The following HMCN1 variants were observed in gnomAD, a reference collection of about 807,000 sequenced individuals.
The protein encoded by HMCN1 is hemicentin-1.
Under a neutral mutation model 625.9 loss-of-function variants are expected in HMCN1, and 321 were observed. The observed-to-expected ratio is 0.51, with a 90% CI of 0.47 to 0.56. The LOEUF (loss-of-function observed/expected upper bound fraction) is 0.56. HMCN1 is among the 20% of genes least tolerant of loss of function. The pLI is 0.00. For missense variants in HMCN1, 6,588 were observed against 6,887.3 expected (o/e 0.96, Z 1.54); for synonymous variants, 2,425 against 2,417.6 (o/e 1.00, Z -0.09).
chr1:186,096,633 G>T (rs921752514), intron 68 of HMCN1, among the ~76,000 whole-genome samples: 1 of 152,064 alleles, frequency 6.6e-6, no homozygotes, highest in African/African-American at 2.4e-5. Context: ...CAACATAGTT[G>T]CAAAAATGCT....
At chr1:186,180,187 A>G (rs1652851641) in intron 104 of HMCN1, among the ~76,000 whole-genome samples, 1 of 152,158 alleles carries the variant, frequency 6.6e-6, no homozygotes, top group Admixed American at 6.6e-5. Context: ...ATCTGCTACA[A>G]ACTGTTCTGA....
intron 15 of HMCN1, among the ~76,000 whole-genome samples, chr1:185,973,432 T>C (rs1650969640): frequency 6.6e-6 from 1 of 152,076 alleles, no homozygotes; most frequent in African/African-American, 2.4e-5. Context: ...CTAAGCTTAG[T>C]AGTGCATAAA....
intron 101 of HMCN1, 127 bp from the exon 102 acceptor site, chr1:186,171,879 C>T (rs1300385125): frequency 1.1e-5 from 9 of 788,668 alleles, no homozygotes; most frequent in Admixed American, 2.5e-5. Context: ...AGCACTTTAA[C>T]CTTACACAAT....
In HMCN1 at chr1:186,001,398, C is replaced by A. The variant is rs1463662043; in HGVS notation, c.4170C>A (p.Pro1390=). The change falls in exon 27 of 107, where the codon CCC becomes CCA. Residue 1390 remains proline, a synonymous_variant. Coordinates refer to ENST00000271588, the MANE Select transcript of HMCN1 (RefSeq NM_031935.3). ...LFCEVEGTPS[P]IIMWYKDNVQ... Reference sequence around the variant, plus strand: ...GTGAAGTGGAAGGCACTCCATCTCCCATCATTATGTGGTATAAAGATAATG... The same window carrying A: ...GTGAAGTGGAAGGCACTCCATCTCCAATCATTATGTGGTATAAAGATAATG... 6.2e-7 allele frequency: 1 copy of A among 1,612,202 alleles called. No homozygotes were observed. Among genetic ancestry groups the A allele is most frequent in the Admixed American group, 1.7e-5 (1 of 59,936 alleles).
chr1:186,143,045 CTTTCCTCTGAGG>C (rs1370800204), intron 89 of HMCN1, among the ~76,000 whole-genome samples: 1 of 152,188 alleles, frequency 6.6e-6, no homozygotes, highest in Non-Finnish European at 1.5e-5. Flanking sequence ...AGCCTTTCTT[CTTTCCTCTGAGG>C]TTTAGCCAAA....
intron 1 of HMCN1, among the ~76,000 whole-genome samples, chr1:185,754,027 T>C (rs1264225542): frequency 6.6e-6 from 1 of 152,178 alleles, no homozygotes; most frequent in Non-Finnish European, 1.5e-5. Context: ...TCTGCATCCA[T>C]GGATGGATGA....
intron 36 of HMCN1, among the ~76,000 whole-genome samples, chr1:186,033,064 G>GCGCA (rs1027390136): frequency 1.7e-3 from 238 of 140,398 alleles, no homozygotes; most frequent in African/African-American, 5.4e-3. Context: ...ATACACACAC[G>GCGCA]CACACACACA....
At chr1:185,809,817 T>C (rs1659401079) in intron 1 of HMCN1, among the ~76,000 whole-genome samples, 1 of 152,134 alleles carries the variant, frequency 6.6e-6, no homozygotes, top group African/African-American at 2.4e-5. Flanking sequence ...TCTGAAAGGC[T>C]TAAGATACTT....
chr1:185,757,720 T>TCTAAATCAGATC (rs1655224213), intron 1 of HMCN1, among the ~76,000 whole-genome samples: 1 of 152,156 alleles, frequency 6.6e-6, no homozygotes, highest in African/African-American at 2.4e-5. Flanking sequence ...TTCTAACTCT[T>TCTAAATCAGATC]TAAATAGTAT....
chr1:185,937,885 TAATAATAATAA>T (rs1558078253), intron 11 of HMCN1, among the ~76,000 whole-genome samples: 1 of 102,608 alleles, frequency 9.7e-6, no homozygotes, highest in African/African-American at 6.5e-5. Flanking sequence ...CATCTCAAAA[TAATAATAATAA>T]TAATAATAAT....
intron 36 of HMCN1, among the ~76,000 whole-genome samples, chr1:186,034,022 G>T (rs1655657220): frequency 1.3e-5 from 2 of 152,136 alleles, no homozygotes; most frequent in East Asian, 1.9e-4. Flanking sequence ...GGGGAATTAA[G>T]GTTGTTAATC....
intron 105 of HMCN1, among the ~76,000 whole-genome samples, chr1:186,186,506 G>T (rs756682305): frequency 6.6e-6 from 1 of 152,142 alleles, no homozygotes; most frequent in Admixed American, 6.5e-5. Context: ...CAGCTTGGGC[G>T]ACAGAGTGAG....
At position 186,151,311 on chromosome 1, in the gene HMCN1, T is replaced by C; in HGVS notation, c.14720T>C (p.Ile4907Thr). The change falls in exon 94 of 107, where the codon ATA (isoleucine) becomes ACA (threonine). Residue 4907 changes from isoleucine to threonine, a missense_variant. Physicochemically the swap from Ile to Thr is moderately conservative, Grantham distance 89. Transcript: ENST00000271588. ...GATAGCCCTAACTCTGATACTAGAA[T>C]AATACGTGCCAAAATTACCAATGTA... is the stretch of plus-strand genomic sequence containing the variant. ...ITDSPNSDTRIIRAKITNVPR... is the reference protein window; with the variant it reads ...ITDSPNSDTRTIRAKITNVPR... 6.2e-7 allele frequency: 1 copy of C among 1,613,830 alleles called. No individual in the cohort carries two copies. The highest frequency in any genetic ancestry group is 8.5e-7 in the Non-Finnish European group (1 of 1,179,742).
Position 186,053,833 on chromosome 1 carries a change from G to GT in HMCN1, c.6710dup (p.Leu2238AlafsTer3). 1 of 1,612,542 alleles carries GT rather than the reference G, an allele frequency of 6.2e-7. No homozygotes were observed. Among genetic ancestry groups the GT allele is most frequent in the African/African-American group, 1.3e-5 (1 of 74,960 alleles). On this transcript the variant is annotated frameshift_variant, in exon 44 of 107. Transcript: ENST00000271588. LOFTEE classifies it high-confidence loss of function. ...TTTGGACTTCTTTGTAGGCTCTCCA[G>GT]TGCTGACTGATTCCATGGGGCGAGT...
rs552790473 is a variant in HMCN1 at position 186,104,166 on chromosome 1, G to C, written c.10770+498G>C. 2.6e-5 allele frequency among the ~76,000 whole-genome samples: 4 copies of C among 152,288 alleles called. No individual in the cohort carries two copies. In the East Asian group the frequency reaches 7.7e-4, roughly 29 times the overall value. ...GAAATGTGAATATATTAAAAGAGAAGTATGTCTGGGATGTCTTATTGTAGC... is the reference window on the plus strand; with the variant it reads ...GAAATGTGAATATATTAAAAGAGAACTATGTCTGGGATGTCTTATTGTAGC... On this transcript the variant is annotated intron_variant, in intron 69 of 106. Coordinates refer to ENST00000271588, the MANE Select transcript of HMCN1 (RefSeq NM_031935.3).
intron 4 of HMCN1, among the ~76,000 whole-genome samples, chr1:185,879,847 T>A (rs6662457): frequency 0.041 from 6,242 of 152,186 alleles, 469 homozygotes; most frequent in African/African-American, 0.14. Context: ...GCGAGTTGGA[T>A]AGGCCATCTA....
chr1:186,100,076 G>A (rs1040124344), intron 68 of HMCN1, among the ~76,000 whole-genome samples: 1 of 151,930 alleles, frequency 6.6e-6, no homozygotes, highest in African/African-American at 2.4e-5. Flanking sequence ...GGGGGAGAGC[G>A]GGGAGAAAGA....
At chr1:186,074,974 A>T (rs889928942) in intron 53 of HMCN1, 83 bp downstream of exon 53, 131 of 1,200,214 alleles carry the variant, frequency 1.1e-4, no homozygotes, top group Admixed American at 1.9e-4. Context: ...TATTTTAAAC[A>T]GTGTTTTTTT....
At position 186,166,320 on chromosome 1, in the gene HMCN1, T is replaced by A; in HGVS notation, c.15439+17T>A. The A allele has an allele frequency of 6.2e-7, 1 of 1,613,972 alleles. No homozygotes were observed. The highest frequency in any genetic ancestry group is 1.3e-5 in the African/African-American group (1 of 75,060). ...CTTGTCAAGGTATTCACAAATCTAA[T>A]ACACACATTTAAGCAATGGGTCAAG... On this transcript the variant is annotated intron_variant, in intron 99 of 106. Transcript: ENST00000271588.
Sources: gnomAD v4.1 joint callset for allele counts (sites outside exome capture counted in the v4.1 genomes callset) on GRCh38, gnomAD v4.1.1 for gene constraint, MANE v1.5 for transcripts, NCBI Gene and HGNC (gene_info 2026-07-23, HGNC 2026-07-21) for gene names.